TEX10: variants seen among roughly 807,000 people sequenced by gnomAD.
TEX10 encodes the protein testis-expressed protein 10.
TEX10 carries 24 observed loss-of-function variants against 104.4 expected under a neutral mutation model. The observed-to-expected ratio is 0.23, with a 90% CI of 0.17 to 0.32. The LOEUF (loss-of-function observed/expected upper bound fraction) is 0.32. TEX10 is among the 10% of genes least tolerant of loss of function. The pLI is 1.00. For synonymous variants in TEX10, 396 were observed against 393.4 expected, an observed-to-expected ratio of 1.01 and a Z score of -0.08; for missense variants, 921 against 1,083.9, an observed-to-expected ratio of 0.85 and a Z score of 2.11.
intron 11 of TEX10, among the ~76,000 whole-genome samples, chr9:100,311,153 TTGGGAGGCCAAGG>T (rs1434443550): frequency 6.6e-6 from 1 of 152,142 alleles, no homozygotes; most frequent in Non-Finnish European, 1.5e-5. Context: ...TTCTAGTACT[TTGGGAGGCCAAGG>T]TGGGAGGACT....
At chr9:100,320,431 AAAAC>A in intron 10 of TEX10, 33 bp from the exon 11 acceptor site, 1 of 1,543,766 alleles carries the variant, frequency 6.5e-7, no homozygotes, top group Non-Finnish European at 8.7e-7. Context: ...CCAATTTAAA[AAAAC>A]AAAAAACAAA....
At chr9:100,346,633 T>C in intron 3 of TEX10, 61 bp downstream of exon 3, 1 of 1,491,200 alleles carries the variant, frequency 6.7e-7, no homozygotes, top group Non-Finnish European at 9.1e-7. Context: ...CAGTCATCAA[T>C]GGTTAGCAGT....
chr9:100,344,266 A>G (rs1394874121), intron 4 of TEX10, among the ~76,000 whole-genome samples: 2 of 152,200 alleles, frequency 1.3e-5, no homozygotes, highest in Non-Finnish European at 1.5e-5. Context: ...TATGTTAATG[A>G]GCTGCTAATA....
intron 1 of TEX10, among the ~76,000 whole-genome samples, chr9:100,351,253 C>T (rs1340688813): frequency 6.6e-6 from 1 of 151,852 alleles, no homozygotes; most frequent in Non-Finnish European, 1.5e-5. Flanking sequence ...CTTTAACATA[C>T]CAGAATTAAC....
chr9:100,320,959 A>G (rs1834555048), intron 10 of TEX10, among the ~76,000 whole-genome samples: 1 of 152,218 alleles, frequency 6.6e-6, no homozygotes, highest in African/African-American at 2.4e-5. Flanking sequence ...GTAGTTCTCA[A>G]AATGATCAGA....
chr9:100,352,907 C>T lies in TEX10; in HGVS notation c.-145G>A. On this transcript the variant is annotated 5_prime_UTR_variant, in exon 1 of 15. In the 5' UTR this introduces an upstream ATG that the reference lacks. Transcript: ENST00000374902. ...GTGTTTTCAAATAGCCTCGTCCTCACGCGGCCGCGTCTCCTTCCGCCGCCC... is the reference window on the plus strand; with the variant it reads ...GTGTTTTCAAATAGCCTCGTCCTCATGCGGCCGCGTCTCCTTCCGCCGCCC... The T allele has an allele frequency of 1.0e-6, 1 of 990,646 alleles. No individual in the cohort carries two copies. 61.4% of individuals were successfully genotyped at this position (990,646 alleles called of 1,614,324 possible).
chr9:100,330,689 T>C (rs919121198), intron 5 of TEX10, among the ~76,000 whole-genome samples: 5 of 152,244 alleles, frequency 3.3e-5, no homozygotes, highest in African/African-American at 1.2e-4. Context: ...TTATTCACTC[T>C]AGCCAAACAA....
At chr9:100,333,338 A>G (rs1834917580) in intron 5 of TEX10, among the ~76,000 whole-genome samples, 1 of 152,192 alleles carries the variant, frequency 6.6e-6, no homozygotes. Flanking sequence ...ATAAACCTGA[A>G]TCCTAGTTCT....
At chr9:100,308,808 T>C (rs1834202891) in intron 12 of TEX10, 127 bp from the exon 13 acceptor site, 2 of 731,194 alleles carry the variant, frequency 2.7e-6, no homozygotes, top group South Asian at 7.9e-5. Context: ...ATACCTAACA[T>C]ATGCCACCTG....
chr9:100,308,462 A>G, intron 13 of TEX10, 38 bp downstream of exon 13: 2 of 1,529,042 alleles, frequency 1.3e-6, no homozygotes, highest in Non-Finnish European at 1.8e-6. Flanking sequence ...GAGGAGGAAC[A>G]GTAGGAAAAT....
Position 100,346,918 on chromosome 9 carries a change from C to G in TEX10, c.669G>C (p.Trp223Cys), listed in dbSNP as rs761339009. 1 of 1,614,214 alleles carries G rather than the reference C, an allele frequency of 6.2e-7. No individual in the cohort carries two copies. The highest frequency in any genetic ancestry group is 2.2e-5 in the East Asian group (1 of 44,886). ...NPNRRLTSQQWRLKVLVRLSK... is the reference protein window; with the variant it reads ...NPNRRLTSQQCRLKVLVRLSK... ...TGAGTCTCACTAAGACTTTCAGCCT[C>G]CATTGCTGAGAAGTGAGTCTCCGAT... Residue 223 changes from tryptophan to cysteine, a missense_variant, in exon 3 of 15, where the codon TGG becomes TGC. Coordinates refer to ENST00000374902, the MANE Select transcript of TEX10 (RefSeq NM_017746.4).
At chr9:100,344,129 G>C (rs1055522325) in intron 4 of TEX10, among the ~76,000 whole-genome samples, 4 of 152,134 alleles carry the variant, frequency 2.6e-5, no homozygotes, top group Admixed American at 1.3e-4. Flanking sequence ...AGGTGAATTA[G>C]AGCATTCTAC....
At position 100,340,239 on chromosome 9, in the gene TEX10, G is replaced by A; in HGVS notation, c.1250+18C>T. On this transcript the variant is annotated intron_variant, in intron 5 of 14. Coordinates refer to ENST00000374902, the MANE Select transcript of TEX10 (RefSeq NM_017746.4). ...AAACAGCTTTTCAAGGTTATACAGTGAAAAAGAATCATAATACCTTTTATT... is the reference window on the plus strand; with the variant it reads ...AAACAGCTTTTCAAGGTTATACAGTAAAAAAGAATCATAATACCTTTTATT... 1 of 1,470,008 alleles carries A rather than the reference G, an allele frequency of 6.8e-7. No homozygotes were observed. The highest frequency in any genetic ancestry group is 1.3e-5 in the South Asian group (1 of 76,778). 91.1% of individuals were successfully genotyped at this position (1,470,008 alleles called of 1,614,324 possible). A position where few individuals can be genotyped will look rare whatever the true frequency, so the allele number is the denominator to read the frequency against.
chr9:100,305,312 A>G (rs1324750944), intron 13 of TEX10: 1 of 152,214 alleles, frequency 6.6e-6, no homozygotes, highest in East Asian at 1.9e-4. Flanking sequence ...GACTGCACAT[A>G]TGGTAATTCC....
In TEX10 at chr9:100,321,685, G is replaced by T. The variant is rs1834576423; in HGVS notation, c.2066C>A (p.Thr689Lys). The change falls in exon 10 of 15, where the codon ACA becomes AAA. Residue 689 changes from threonine to lysine, a missense_variant and splice_region_variant. By Grantham distance (78) the Thr-to-Lys change is moderately conservative. This residue lies in a region of TEX10 where 753 missense variants were observed against 868.4 expected (regional missense o/e 0.87). Coordinates refer to ENST00000374902, the MANE Select transcript of TEX10 (RefSeq NM_017746.4). The stretch of plus-strand genomic sequence containing the variant: ...ATCTGGCAAGTGAATGTGGTTACCT[G>T]TAAGTGTGGAAAATAAGAAGCTGAA... The part of the protein sequence containing the change: ...DYFSFLFSTL[T>K]GFSKEELTWL... The T allele has an allele frequency of 6.2e-7, 1 of 1,609,936 alleles. No homozygotes were observed. The highest frequency in any genetic ancestry group is 1.7e-5 in the Admixed American group (1 of 59,854).
rs761806940 is a variant in TEX10, at chr9:100,330,008, C to A, written c.1412G>T (p.Gly471Val). 1 of 1,613,996 alleles carries A rather than the reference C, an allele frequency of 6.2e-7. No individual in the cohort carries two copies. The highest frequency in any genetic ancestry group is 1.3e-5 in the African/African-American group (1 of 74,926). The change falls in exon 6 of 15, where the codon GGC becomes GTC. Residue 471 changes from glycine (G) to valine (V), a missense_variant. Around this residue, in one of 3 missense-constraint regions of TEX10, gnomAD observed 753 missense variants for 868.4 expected, o/e 0.87. Transcript: ENST00000374902. Reference protein sequence around the residue: ...RKFVTETLEDGSRLNSKQLNR... With the variant: ...RKFVTETLEDVSRLNSKQLNR... ...CAGTTGCTTACTATTTAGCCTAGAGCCATCTTCAAGGGTCTCTGTTACAAA... is the reference window on the plus strand; with the variant it reads ...CAGTTGCTTACTATTTAGCCTAGAGACATCTTCAAGGGTCTCTGTTACAAA...
In TEX10 at chr9:100,347,307, C is replaced by T. The variant is rs1189665828; in HGVS notation, c.280G>A (p.Ala94Thr). The T allele has an allele frequency of 1.9e-6, 3 of 1,613,996 alleles. No individual in the cohort carries two copies. Among genetic ancestry groups the T allele is most frequent in the Non-Finnish European group, 2.5e-6 (3 of 1,180,010 alleles). ...TCACTTAATATGTTTGAAAGGTGTG[C>T]ATCAATTATAAATGGGTATTGAGAC... ...LLSQYPFIID[A>T]HLSNILSEVT... is the part of the protein sequence containing the mutation. The change falls in exon 3 of 15, where the codon GCA becomes ACA. Residue 94 changes from alanine (A) to threonine (T), a missense_variant. By Grantham distance (58) the Ala-to-Thr change is moderately conservative. This residue lies in a region of TEX10 where 118 missense variants were observed against 111.3 expected (regional missense o/e 1.06). Transcript: ENST00000374902.
At chr9:100,342,885 T>C (rs927278235) in intron 4 of TEX10, among the ~76,000 whole-genome samples, 2 of 152,154 alleles carry the variant, frequency 1.3e-5, no homozygotes, top group African/African-American at 4.8e-5. Flanking sequence ...CGTTGGCTCA[T>C]GCCTGTAATC....
chr9:100,333,849 A>C (rs1446337083), intron 5 of TEX10, among the ~76,000 whole-genome samples: 4 of 152,218 alleles, frequency 2.6e-5, no homozygotes, highest in Non-Finnish European at 5.9e-5. Flanking sequence ...AAATGAGCAA[A>C]GGAAATTTAA....
Sources: allele counts gnomAD v4.1 joint callset (sites outside exome capture counted in the v4.1 genomes callset), GRCh38; gene constraint gnomAD v4.1.1; regional missense constraint gnomAD v4.1.1; transcripts MANE v1.5; gene names NCBI Gene and HGNC (gene_info 2026-07-23, HGNC 2026-07-21).